DYNLT2B: variants seen among roughly 807,000 people sequenced by gnomAD.
The protein encoded by DYNLT2B is dynein light chain Tctex-type protein 2B.
Under a neutral mutation model 19.5 loss-of-function variants are expected in DYNLT2B, and 14 were observed. The observed-to-expected ratio is 0.72, with a 90% CI of 0.47 to 1.12. DYNLT2B has a LOEUF of 1.12. DYNLT2B is among the 50% of genes most tolerant of loss of function. DYNLT2B has a pLI of 0.00. For missense variants in DYNLT2B, 133 were observed against 174.7 expected (o/e 0.76, Z 1.35); for synonymous variants, 70 against 59.7 (o/e 1.17, Z -0.79).
chr3:196,293,646 A>ATTTT lies in DYNLT2B; in HGVS notation c.382-2276_382-2273dup, dbSNP rs533399548. 4.4e-3 allele frequency among the ~76,000 whole-genome samples: 518 copies of ATTTT among 118,882 alleles called. 32 individuals carry two copies. In the South Asian group the frequency reaches 0.056, roughly 13 times the overall value. The allele number at this position is 118,882 out of a possible 152,430, so 78.0% of individuals were successfully genotyped here. On this transcript the variant is annotated intron_variant, in intron 4 of 4. Transcript: ENST00000325318. ...GTCTCAAAACAAACAAACAAGATGCATTTTTTTTTTTTTTTTTGAGACAGA... is the reference window on the plus strand; with the variant it reads ...GTCTCAAAACAAACAAACAAGATGCATTTTTTTTTTTTTTTTTTTTTGAGACAGA...
intron 2 of DYNLT2B, among the ~76,000 whole-genome samples, chr3:196,315,872 C>A (rs1249990687): frequency 6.6e-6 from 1 of 151,500 alleles, no homozygotes; most frequent in Non-Finnish European, 1.5e-5. Context: ...AACTCCATCT[C>A]AAAAAAAAGA....
At chr3:196,307,909 G>A (rs963145479) in intron 2 of DYNLT2B, among the ~76,000 whole-genome samples, 4 of 151,200 alleles carry the variant, frequency 2.6e-5, no homozygotes, top group East Asian at 2.0e-4. Flanking sequence ...GTTAAGCCCC[G>A]TCTCTACTAA....
At chr3:196,304,050 C>G (rs1023950511) in intron 3 of DYNLT2B, among the ~76,000 whole-genome samples, 1 of 152,152 alleles carries the variant, frequency 6.6e-6, no homozygotes, top group African/African-American at 2.4e-5. Flanking sequence ...CTTACAGTAA[C>G]AGGGAAACTG....
At position 196,303,795 on chromosome 3, in the gene DYNLT2B, C is replaced by T. The variant is rs181054646; in HGVS notation, c.317+3148G>A. Among the ~76,000 whole-genome samples, 32 of 152,258 alleles carry T rather than the reference C, an allele frequency of 2.1e-4. No homozygotes were observed. In the East Asian group the frequency reaches 5.2e-3, roughly 25 times the overall value. The stretch of plus-strand genomic sequence containing the variant: ...GAACAAACTAGAAATCAGAACAAAG[C>T]TTTATTTGATAACACTGTATCAATA... On this transcript the variant is annotated intron_variant, in intron 3 of 4. Coordinates refer to ENST00000325318, the MANE Select transcript of DYNLT2B (RefSeq NM_152773.5).
intron 4 of DYNLT2B, among the ~76,000 whole-genome samples, chr3:196,293,079 C>A (rs1176256468): frequency 6.6e-6 from 1 of 152,128 alleles, no homozygotes; most frequent in Non-Finnish European, 1.5e-5. Context: ...GTCTTGAACT[C>A]CTGACCTCAG....
At chr3:196,315,357 G>A (rs1282670758) in intron 2 of DYNLT2B, 15 of 339,162 alleles carry the variant, frequency 4.4e-5, no homozygotes, top group African/African-American at 2.7e-4. Flanking sequence ...CCACCTCCTG[G>A]GTTCAAGTGA....
chr3:196,302,080 C>T (rs943848757), intron 3 of DYNLT2B, among the ~76,000 whole-genome samples: 5 of 152,054 alleles, frequency 3.3e-5, no homozygotes, highest in African/African-American at 1.2e-4. Flanking sequence ...GCACTCCAGC[C>T]TGGGTGACAG....
intron 3 of DYNLT2B, among the ~76,000 whole-genome samples, chr3:196,300,060 G>A (rs1203332623): frequency 1.3e-5 from 2 of 152,190 alleles, no homozygotes; most frequent in Non-Finnish European, 2.9e-5. Context: ...TGAAATTGGA[G>A]GAAACGGCTT....
In DYNLT2B at chr3:196,313,049, C is replaced by T. The variant is rs189910732; in HGVS notation, c.247+3049G>A. On this transcript the variant is annotated intron_variant, in intron 2 of 4. Transcript: ENST00000325318. Reference sequence around the variant, plus strand: ...ATAAGGAACTCAACAATGAAAATGACATGGTCAAGGAACTAAACAGGAGGC... The same window carrying T: ...ATAAGGAACTCAACAATGAAAATGATATGGTCAAGGAACTAAACAGGAGGC... Among the ~76,000 whole-genome samples, 18 of 152,194 alleles carry T rather than the reference C, an allele frequency of 1.2e-4. 1 individual carries two copies. Among genetic ancestry groups the T allele is most frequent in the Admixed American group, 5.2e-4 (8 of 15,272 alleles).
chr3:196,298,120 AC>A, intron 3 of DYNLT2B: 1 of 340,126 alleles, frequency 2.9e-6, no homozygotes, highest in Non-Finnish European at 5.8e-6. Context: ...TGATTTTATT[AC>A]CAGTTTTCAA....
intron 1 of DYNLT2B, among the ~76,000 whole-genome samples, chr3:196,317,001 G>A (rs1391529890): frequency 1.5e-5 from 2 of 133,580 alleles, no homozygotes; most frequent in Non-Finnish European, 3.2e-5. Flanking sequence ...GCTCTGGCCC[G>A]TGAGCCTGAC....
chr3:196,311,478 A>G (rs1416908995), intron 2 of DYNLT2B, among the ~76,000 whole-genome samples: 2 of 152,000 alleles, frequency 1.3e-5, no homozygotes, highest in Non-Finnish European at 2.9e-5. Flanking sequence ...GGCTCAACAT[A>G]ACAATATTTG....
chr3:196,317,069 GT>G (rs780289883), intron 1 of DYNLT2B, among the ~76,000 whole-genome samples: 3 of 62,426 alleles, frequency 4.8e-5, no homozygotes, highest in African/African-American at 1.5e-4. Flanking sequence ...TGTGGTGTGT[GT>G]GTGTGTGTGT....
intron 2 of DYNLT2B, among the ~76,000 whole-genome samples, chr3:196,312,088 C>G (rs951022222): frequency 6.6e-6 from 1 of 152,178 alleles, no homozygotes; most frequent in Non-Finnish European, 1.5e-5. Flanking sequence ...CCATGTTGGT[C>G]AGCCTGGTTT....
intron 3 of DYNLT2B, among the ~76,000 whole-genome samples, chr3:196,301,983 T>A (rs559625269): frequency 5.3e-5 from 8 of 152,122 alleles, no homozygotes; most frequent in African/African-American, 1.4e-4. Flanking sequence ...GGCTCACGCC[T>A]GTAGTCTCTG....
intron 4 of DYNLT2B, among the ~76,000 whole-genome samples, chr3:196,293,451 C>G (rs1280584368): frequency 6.6e-6 from 1 of 151,652 alleles, no homozygotes; most frequent in African/African-American, 2.4e-5. Context: ...ATAGTGAAAC[C>G]TTGTCTCTAC....
chr3:196,297,959 C>T lies in DYNLT2B; in HGVS notation c.318-1890G>A, dbSNP rs77094860. 1,222 of 154,052 alleles carry T rather than the reference C, an allele frequency of 7.9e-3. 19 individuals are homozygous for T. Among genetic ancestry groups the T allele is most frequent in the African/African-American group, 0.028 (1,166 of 41,564 alleles). The allele number at this position is 154,052 out of a possible 1,614,324, so 9.5% of individuals were successfully genotyped here. A position where few individuals can be genotyped will look rare whatever the true frequency, so the allele number is the denominator to read the frequency against. On this transcript the variant is annotated intron_variant, in intron 3 of 4. Transcript: ENST00000325318. ...GAAAAAATATATTCCCAATAAAACA[C>T]GTCCAACTGTTCAGACAGTGGTGAC...
In DYNLT2B at chr3:196,318,145, G is replaced by T. The variant is rs1726942938; in HGVS notation, c.8C>A (p.Thr3Lys). 2 of 1,531,152 alleles carry T rather than the reference G, an allele frequency of 1.3e-6. No homozygotes were observed. The highest frequency in any genetic ancestry group is 1.7e-6 in the Non-Finnish European group (2 of 1,145,974). 94.8% of individuals were successfully genotyped at this position (1,531,152 alleles called of 1,614,324 possible). Residue 3 changes from threonine (T) to lysine (K), a missense_variant, in exon 1 of 5, where the codon ACG becomes AAG. Thr to Lys is a moderately conservative substitution (Grantham distance 78). Coordinates refer to ENST00000325318, the MANE Select transcript of DYNLT2B (RefSeq NM_152773.5). Reference protein sequence around the residue: MATSIGVSFSVGD... With the variant: MAKSIGVSFSVGD... Reference sequence around the variant, plus strand: ...CACCGAGAAGGACACTCCGATGGACGTGGCCATGCCGGGGCTTCTCGGTCC... The same window carrying T: ...CACCGAGAAGGACACTCCGATGGACTTGGCCATGCCGGGGCTTCTCGGTCC...
intron 4 of DYNLT2B, 129 bp from the exon 5 acceptor site, chr3:196,291,503 G>A: frequency 1.1e-6 from 1 of 903,712 alleles, no homozygotes; most frequent in Non-Finnish European, 1.7e-6. Flanking sequence ...TTTTGAGACA[G>A]GGTGTCACTC....
Sources: allele counts gnomAD v4.1 joint callset (sites outside exome capture counted in the v4.1 genomes callset), GRCh38; gene constraint gnomAD v4.1.1; transcripts MANE v1.5; gene names NCBI Gene and HGNC (gene_info 2026-07-23, HGNC 2026-07-21).